TRIM44: variants seen among roughly 807,000 people sequenced by gnomAD.
TRIM44 encodes the protein tripartite motif containing 44, also known as tripartite motif-containing protein 44.
A neutral mutation model predicts 37.4 loss-of-function variants in TRIM44; 13 were observed. The observed-to-expected ratio is 0.35, with a 90% CI of 0.23 to 0.55. The LOEUF (loss-of-function observed/expected upper bound fraction) is 0.55, where lower values mean the gene tolerates loss of function less well. Among genes scored for constraint, TRIM44 ranks in the 20% least tolerant of loss-of-function variants. TRIM44 has a pLI of 0.89. For missense variants in TRIM44, 426 were observed against 437.2 expected (o/e 0.97, Z 0.23); for synonymous variants, 175 against 157.2 (o/e 1.11, Z -0.85).
chr11:35,814,518 T>C lies in TRIM44; in HGVS notation c.*8133T>C, dbSNP rs1438681225. The C allele has an allele frequency of 6.6e-6, 1 of 152,188 alleles. No homozygotes were observed. The highest frequency in any genetic ancestry group is 2.1e-4 in the South Asian group (1 of 4,828). 9.4% of individuals were successfully genotyped at this position (152,188 alleles called of 1,614,324 possible). ...GCACTCTGGGGTAACCTGGCCCTGA[T>C]CTGATGACGCTAAGATTTAAAAACC... On this transcript the variant is annotated 3_prime_UTR_variant, in exon 5 of 5. Transcript: ENST00000299413.
intron 4 of TRIM44, among the ~76,000 whole-genome samples, chr11:35,790,165 G>A (rs1430187065): frequency 6.6e-6 from 1 of 152,140 alleles, no homozygotes; most frequent in African/African-American, 2.4e-5. Context: ...ATCGTAAGAT[G>A]ACAGCTGGCT....
intron 2 of TRIM44, among the ~76,000 whole-genome samples, chr11:35,708,694 A>G (rs979427300): frequency 6.6e-6 from 1 of 151,750 alleles, no homozygotes; most frequent in Non-Finnish European, 1.5e-5. Flanking sequence ...TCTCACTCAC[A>G]GGTGGGAATT....
At chr11:35,699,178 GT>G (rs1249308825) in intron 2 of TRIM44, among the ~76,000 whole-genome samples, 2 of 151,324 alleles carry the variant, frequency 1.3e-5, no homozygotes, top group Admixed American at 6.6e-5. Context: ...TGCTGTTTTG[GT>G]TACTGTAGCC....
At chr11:35,780,972 G>C (rs1853056878) in intron 4 of TRIM44, among the ~76,000 whole-genome samples, 1 of 152,000 alleles carries the variant, frequency 6.6e-6, no homozygotes, top group Non-Finnish European at 1.5e-5. Context: ...AGTGGGAAGA[G>C]CTAGACAAAA....
intron 2 of TRIM44, among the ~76,000 whole-genome samples, chr11:35,703,905 A>G (rs1215900950): frequency 6.6e-6 from 1 of 152,240 alleles, no homozygotes; most frequent in Non-Finnish European, 1.5e-5. Context: ...ACAAAGCTGG[A>G]TGGAGAATGA....
chr11:35,771,643 T>C (rs2133866034), intron 4 of TRIM44, among the ~76,000 whole-genome samples: 1 of 151,484 alleles, frequency 6.6e-6, no homozygotes, highest in African/African-American at 2.4e-5. Context: ...GAGAATCGCT[T>C]GAAGGTGGGA....
chr11:35,731,041 A>T (rs528897695), intron 3 of TRIM44, among the ~76,000 whole-genome samples: 5 of 152,022 alleles, frequency 3.3e-5, no homozygotes, highest in African/African-American at 1.2e-4. Context: ...CTACAAATAG[A>T]GACAGTTTTA....
intron 1 of TRIM44, among the ~76,000 whole-genome samples, chr11:35,675,699 T>C (rs1030643431): frequency 1.3e-5 from 2 of 152,134 alleles, no homozygotes; most frequent in Non-Finnish European, 2.9e-5. Flanking sequence ...TTTTTGTATT[T>C]TTAGTAGAGA....
intron 2 of TRIM44, among the ~76,000 whole-genome samples, chr11:35,692,476 T>C (rs1023806983): frequency 6.6e-6 from 1 of 152,188 alleles, no homozygotes; most frequent in African/African-American, 2.4e-5. Context: ...ATTTGTGTTA[T>C]GCTAGTTGAG....
intron 4 of TRIM44, among the ~76,000 whole-genome samples, chr11:35,752,045 C>G (rs1852565069): frequency 6.6e-6 from 1 of 152,190 alleles, no homozygotes; most frequent in Non-Finnish European, 1.5e-5. Flanking sequence ...CAAAACATAA[C>G]TCTTGTTTTC....
chr11:35,738,748 A>G (rs1590556636), intron 4 of TRIM44, among the ~76,000 whole-genome samples: 1 of 152,176 alleles, frequency 6.6e-6, no homozygotes. Flanking sequence ...AGTTTGATGT[A>G]TAAGGAACGC....
intron 4 of TRIM44, among the ~76,000 whole-genome samples, chr11:35,785,241 G>T (rs558942541): frequency 6.6e-6 from 1 of 152,202 alleles, no homozygotes; most frequent in Admixed American, 6.5e-5. Flanking sequence ...TCACCTAAAA[G>T]AAAACAGCAA....
chr11:35,688,347 G>T (rs1008252121), intron 2 of TRIM44, among the ~76,000 whole-genome samples: 15 of 152,084 alleles, frequency 9.9e-5, no homozygotes, highest in Non-Finnish European at 1.2e-4. Flanking sequence ...CTTGAGTTTT[G>T]CTAGAGAGCA....
Position 35,747,639 on chromosome 11 carries a change from G to T in TRIM44, c.1007+12194G>T, listed in dbSNP as rs775793337. 2.7e-5 allele frequency among the ~76,000 whole-genome samples: 4 copies of T among 148,164 alleles called. No individual in the cohort carries two copies. The South Asian group carries it at 6.4e-4, about 24-fold the overall frequency. ...TTTGTTGAATGTCAACAAGCAGTTTGTCTGAGAAGAAAGTTGAGGTGGGGC... is the reference window on the plus strand; with the variant it reads ...TTTGTTGAATGTCAACAAGCAGTTTTTCTGAGAAGAAAGTTGAGGTGGGGC... On this transcript the variant is annotated intron_variant, in intron 4 of 4. Transcript: ENST00000299413.
chr11:35,736,740 G>C lies in TRIM44; in HGVS notation c.1007+1295G>C, dbSNP rs183084954. On this transcript the variant is annotated intron_variant, in intron 4 of 4. Coordinates refer to ENST00000299413, the MANE Select transcript of TRIM44 (RefSeq NM_017583.6). ...AGGCACCCAACTTTAAAAGGCATAG[G>C]CATCTTGCTTTAAACCTACAGGGTT... Among the ~76,000 whole-genome samples, 105 of 152,262 alleles carry C rather than the reference G, an allele frequency of 6.9e-4. 1 individual carries two copies. In the East Asian group the frequency reaches 0.014, roughly 21 times the overall value.
At chr11:35,724,576 G>A (rs1285224348) in intron 2 of TRIM44, among the ~76,000 whole-genome samples, 1 of 152,214 alleles carries the variant, frequency 6.6e-6, no homozygotes, top group East Asian at 1.9e-4. Context: ...AAACATGGTT[G>A]TGAGGAAACA....
chr11:35,725,328 G>A (rs1045459121), intron 2 of TRIM44, among the ~76,000 whole-genome samples: 1 of 151,984 alleles, frequency 6.6e-6, no homozygotes, highest in African/African-American at 2.4e-5. Flanking sequence ...CGGAGAGGAA[G>A]AATTTCGTTT....
At chr11:35,682,920 G>A (rs1002121697) in intron 1 of TRIM44, among the ~76,000 whole-genome samples, 4 of 152,148 alleles carry the variant, frequency 2.6e-5, no homozygotes, top group African/African-American at 9.7e-5. Context: ...GTTCTCTAGA[G>A]CCAGGGGGAA....
intron 2 of TRIM44, among the ~76,000 whole-genome samples, chr11:35,718,504 T>A (rs886781879): frequency 6.6e-6 from 1 of 152,208 alleles, no homozygotes. Flanking sequence ...CCCACATGCG[T>A]AGCCTCCCCA....
Sources: gnomAD v4.1 joint callset for allele counts (sites outside exome capture counted in the v4.1 genomes callset) on GRCh38, gnomAD v4.1.1 for gene constraint, MANE v1.5 for transcripts, NCBI Gene and HGNC (gene_info 2026-07-23, HGNC 2026-07-21) for gene names.